The following KITLG variants were observed in gnomAD, a reference collection of about 807,000 sequenced individuals.
KITLG encodes the protein c-Kit ligand.
Under a neutral mutation model 34.1 loss-of-function variants are expected in KITLG, and 13 were observed. The ratio of observed to expected loss-of-function variants is 0.38; its 90% confidence interval spans 0.25 to 0.61. The LOEUF is 0.61. Ranked by LOEUF, KITLG falls within the 20% of genes least tolerant of loss-of-function variation. KITLG has a pLI of 0.60. For missense variants in KITLG, 292 were observed against 318.9 expected (o/e 0.92, Z 0.64); for synonymous variants, 110 against 104.0 (o/e 1.06, Z -0.35).
At chr12:88,566,585 C>T (rs1396731542) in intron 1 of KITLG, among the ~76,000 whole-genome samples, 3 of 152,062 alleles carry the variant, frequency 2.0e-5, no homozygotes, top group African/African-American at 7.2e-5. Context: ...AATGCGAGGC[C>T]CTCAGGGCCT....
rs1871977822 is a variant in KITLG at position 88,580,399 on chromosome 12, G to A, written c.-121C>T. On this transcript the variant is annotated 5_prime_UTR_variant, in exon 1 of 10. Coordinates refer to ENST00000644744, the MANE Select transcript of KITLG (RefSeq NM_000899.5). Reference sequence around the variant, plus strand: ...AGATAGTCCACGCATTGGGTAGCCCGAGCGCAGCGCCCTCTCCACTGTCCC... The same window carrying A: ...AGATAGTCCACGCATTGGGTAGCCCAAGCGCAGCGCCCTCTCCACTGTCCC... The A allele has an allele frequency of 8.6e-7, 1 of 1,163,352 alleles. No homozygotes were observed. The allele number at this position is 1,163,352 out of a possible 1,614,324, so 72.1% of individuals were successfully genotyped here. A position where few individuals can be genotyped will look rare whatever the true frequency, so the allele number is the denominator to read the frequency against.
intron 6 of KITLG, among the ~76,000 whole-genome samples, chr12:88,510,882 TA>T (rs1869251298): frequency 2.0e-5 from 3 of 152,312 alleles, no homozygotes; most frequent in Non-Finnish European, 2.9e-5. Context: ...GTGCTACACC[TA>T]AAAACATTTG....
At chr12:88,526,977 T>C (rs907319539) in intron 3 of KITLG, among the ~76,000 whole-genome samples, 2 of 149,176 alleles carry the variant, frequency 1.3e-5, no homozygotes, top group Non-Finnish European at 3.0e-5. Context: ...CACGCCATTC[T>C]CCTGTCTCAG....
intron 5 of KITLG, 68 bp downstream of exon 5, chr12:88,516,266 T>C (rs1307572503): frequency 1.2e-5 from 16 of 1,357,286 alleles, no homozygotes; most frequent in Non-Finnish European, 1.7e-5. Context: ...CAGAGGTAGA[T>C]TCTTACTACA....
rs897342469 is a variant in KITLG, at chr12:88,522,215, C to T, written c.193-3348G>A. On this transcript the variant is annotated intron_variant, in intron 3 of 9. Coordinates refer to ENST00000644744, the MANE Select transcript of KITLG (RefSeq NM_000899.5). ...TTTAAAAGGTAATATATTAATTCCA[C>T]AGAATATGTGACACAGAATCTCTGT... 8.8e-4 allele frequency among the ~76,000 whole-genome samples: 134 copies of T among 152,158 alleles called. 2 individuals carry two copies. Among genetic ancestry groups the T allele is most frequent in the African/African-American group, 3.2e-3 (132 of 41,510 alleles).
intron 1 of KITLG, among the ~76,000 whole-genome samples, chr12:88,579,901 G>C (rs973900926): frequency 6.6e-6 from 1 of 152,338 alleles, no homozygotes; most frequent in Admixed American, 6.5e-5. Flanking sequence ...TGGAATCCAC[G>C]GGAAAACCGT....
At chr12:88,529,782 G>A (rs1038856029) in intron 3 of KITLG, among the ~76,000 whole-genome samples, 5 of 152,124 alleles carry the variant, frequency 3.3e-5, no homozygotes, top group Admixed American at 2.0e-4. Context: ...TCGCAGAAAC[G>A]AACATGTCAA....
At chr12:88,557,768 A>G (rs1416218100) in intron 1 of KITLG, among the ~76,000 whole-genome samples, 1 of 152,146 alleles carries the variant, frequency 6.6e-6, no homozygotes, top group Non-Finnish European at 1.5e-5. Context: ...AATTCATGAA[A>G]GTTCTGAAAT....
chr12:88,551,191 C>A (rs923373954), intron 1 of KITLG, among the ~76,000 whole-genome samples: 3 of 152,084 alleles, frequency 2.0e-5, no homozygotes, highest in Admixed American at 1.3e-4. Flanking sequence ...AAAATATCCA[C>A]CTTTCATAAA....
chr12:88,575,938 G>C (rs765000149), intron 1 of KITLG, among the ~76,000 whole-genome samples: 1 of 152,050 alleles, frequency 6.6e-6, no homozygotes, highest in Non-Finnish European at 1.5e-5. Context: ...GTCACTGCAC[G>C]TTGCCTGGTA....
chr12:88,564,774 G>A (rs1483795845), intron 1 of KITLG, among the ~76,000 whole-genome samples: 1 of 151,462 alleles, frequency 6.6e-6, no homozygotes, highest in Non-Finnish European at 1.5e-5. Context: ...CATGCTCTAA[G>A]TTTGTATCAT....
intron 3 of KITLG, among the ~76,000 whole-genome samples, 196 bp from the exon 4 acceptor site, chr12:88,519,063 T>C (rs948658786): frequency 3.9e-5 from 6 of 152,122 alleles, no homozygotes; most frequent in African/African-American, 1.4e-4. Flanking sequence ...AGTTTCACCA[T>C]GTTGGCCAGG....
intron 3 of KITLG, among the ~76,000 whole-genome samples, 160 bp from the exon 4 acceptor site, chr12:88,519,027 T>A (rs894750206): frequency 7.2e-5 from 11 of 152,110 alleles, no homozygotes; most frequent in Admixed American, 5.2e-4. Flanking sequence ...CATGCCTGGC[T>A]ACTTTTTTAT....
At chr12:88,576,890 TA>T (rs964455744) in intron 1 of KITLG, among the ~76,000 whole-genome samples, 69 of 149,280 alleles carry the variant, frequency 4.6e-4, no homozygotes, top group Middle Eastern at 3.4e-3. Context: ...CACCTATTAT[TA>T]AAAAAAAAAT....
intron 3 of KITLG, among the ~76,000 whole-genome samples, chr12:88,525,931 G>A (rs1033119892): frequency 1.3e-5 from 2 of 152,186 alleles, no homozygotes; most frequent in Non-Finnish European, 2.9e-5. Context: ...CCTTGGAGGA[G>A]ATGACCACTA....
chr12:88,563,511 C>T (rs982368597), intron 1 of KITLG, among the ~76,000 whole-genome samples: 5 of 152,190 alleles, frequency 3.3e-5, no homozygotes, highest in Non-Finnish European at 7.3e-5. Flanking sequence ...TCATCCCTCC[C>T]CCAAAATAGG....
chr12:88,515,529 CTTACTA>C lies in KITLG; in HGVS notation c.603_604+4del, dbSNP rs1157890700. On this transcript the variant is annotated splice_donor_variant and splice_donor_region_variant and coding_sequence_variant and intron_variant, in exon 6 of 10. Coordinates refer to ENST00000644744, the MANE Select transcript of KITLG (RefSeq NM_000899.5). LOFTEE classifies it high-confidence loss of function. ...GCATGCATTAAATCAGATATATGTA[CTTACTA>C]TTACTGCTACTGCTGTCATTCCTAA... The C allele has an allele frequency of 1.3e-6, 2 of 1,591,508 alleles. No individual in the cohort carries two copies. The highest frequency in any genetic ancestry group is 8.6e-7 in the Non-Finnish European group (1 of 1,160,164).
At chr12:88,562,165 T>C (rs1871318088) in intron 1 of KITLG, among the ~76,000 whole-genome samples, 2 of 152,318 alleles carry the variant, frequency 1.3e-5, no homozygotes, top group Admixed American at 6.5e-5. Context: ...TCCTCCATAT[T>C]TGTGGATTGT....
At chr12:88,524,431 A>G (rs1373463948) in intron 3 of KITLG, among the ~76,000 whole-genome samples, 4 of 152,196 alleles carry the variant, frequency 2.6e-5, no homozygotes, top group Non-Finnish European at 2.9e-5. Context: ...GAACTGTAAT[A>G]TGTTGCAGAT....
Sources: gnomAD v4.1 joint callset for allele counts (sites outside exome capture counted in the v4.1 genomes callset) on GRCh38, gnomAD v4.1.1 for gene constraint, MANE v1.5 for transcripts, NCBI Gene and HGNC (gene_info 2026-07-23, HGNC 2026-07-21) for gene names.